The following DSCAM variants were observed in gnomAD, a reference collection of about 807,000 sequenced individuals.
DSCAM encodes DS cell adhesion molecule, also known as cell adhesion molecule DSCAM.
Under a neutral mutation model 217.7 loss-of-function variants are expected in DSCAM, and 47 were observed. That is an observed-to-expected ratio of 0.22 (90% CI 0.17 to 0.28). DSCAM has a LOEUF of 0.28. Ranked by LOEUF, DSCAM falls within the 10% of genes least tolerant of loss-of-function variation. The probability of loss-of-function intolerance (pLI) is 1.00; values close to 1 mark genes in which losing one functional copy is unlikely to be tolerated. For missense variants in DSCAM, 2,080 were observed against 2,618.3 expected (o/e 0.79, Z 4.49); for synonymous variants, 1,056 against 1,015.3 (o/e 1.04, Z -0.76).
intron 3 of DSCAM, among the ~76,000 whole-genome samples, chr21:40,403,435 C>T (rs2075255139): frequency 6.6e-6 from 1 of 151,878 alleles, no homozygotes; most frequent in Non-Finnish European, 1.5e-5. Flanking sequence ...GTAGCTGGGA[C>T]TACAGAGTAA....
At chr21:40,458,420 G>A (rs2075780537) in intron 3 of DSCAM, among the ~76,000 whole-genome samples, 1 of 152,090 alleles carries the variant, frequency 6.6e-6, no homozygotes, top group African/African-American at 2.4e-5. Flanking sequence ...TATGTTAAAA[G>A]CAATGCTCAG....
intron 3 of DSCAM, among the ~76,000 whole-genome samples, chr21:40,586,270 A>G (rs1390518441): frequency 1.3e-5 from 2 of 152,234 alleles, no homozygotes; most frequent in African/African-American, 4.8e-5. Flanking sequence ...TGCTGGCACC[A>G]TGCTTCTTGT....
intron 11 of DSCAM, among the ~76,000 whole-genome samples, chr21:40,253,345 T>C (rs1477835485): frequency 2.0e-5 from 3 of 152,346 alleles, no homozygotes; most frequent in African/African-American, 4.8e-5. Flanking sequence ...GATTACATGA[T>C]ACAATGCAGA....
At chr21:40,069,458 G>T (rs1420187444) in intron 27 of DSCAM, among the ~76,000 whole-genome samples, 1 of 152,226 alleles carries the variant, frequency 6.6e-6, no homozygotes. Context: ...ATGGCCCCAG[G>T]CACTGCAGCT....
At chr21:40,555,392 GAT>G (rs1272127605) in intron 3 of DSCAM, among the ~76,000 whole-genome samples, 1 of 152,174 alleles carries the variant, frequency 6.6e-6, no homozygotes, top group African/African-American at 2.4e-5. Flanking sequence ...AGAACCCAAT[GAT>G]ATGTCATTTC....
chr21:40,787,951 G>A (rs1054126356), intron 1 of DSCAM, among the ~76,000 whole-genome samples: 9 of 152,116 alleles, frequency 5.9e-5, no homozygotes, highest in African/African-American at 2.2e-4. Flanking sequence ...CAGACACTAT[G>A]ATAGATAAAG....
intron 21 of DSCAM, among the ~76,000 whole-genome samples, chr21:40,091,646 G>A (rs1416541404): frequency 6.6e-6 from 1 of 152,056 alleles, no homozygotes; most frequent in East Asian, 1.9e-4. Flanking sequence ...TGCTAATAAA[G>A]GCATGCCTGA....
chr21:40,175,825 G>A (rs924766647), intron 15 of DSCAM, among the ~76,000 whole-genome samples: 127 of 116,906 alleles, frequency 1.1e-3, no homozygotes, highest in African/African-American at 3.0e-3. Context: ...ACACACACAC[G>A]CACACACACA....
At chr21:40,357,861 T>TAA (rs71186927) in intron 4 of DSCAM, among the ~76,000 whole-genome samples, 12,765 of 150,908 alleles carry the variant, frequency 0.085, 1,204 homozygotes, top group African/African-American at 0.24. Flanking sequence ...TAAAGTATAA[T>TAA]AAAAAAAAAC....
chr21:40,576,193 G>A (rs779419101), intron 3 of DSCAM, among the ~76,000 whole-genome samples: 4 of 152,154 alleles, frequency 2.6e-5, no homozygotes, highest in African/African-American at 4.8e-5. Context: ...CCTGGAAACA[G>A]CCCAAAAGTC....
chr21:40,473,199 G>A (rs1386800476), intron 3 of DSCAM, among the ~76,000 whole-genome samples: 2 of 152,192 alleles, frequency 1.3e-5, no homozygotes, highest in Non-Finnish European at 2.9e-5. Flanking sequence ...AAAACTAAAG[G>A]AGAGCAGAAT....
chr21:40,811,512 C>G (rs1179893914), intron 1 of DSCAM, among the ~76,000 whole-genome samples: 1 of 152,194 alleles, frequency 6.6e-6, no homozygotes, highest in Non-Finnish European at 1.5e-5. Flanking sequence ...TTTTAACGTT[C>G]ACCCATCAAT....
At chr21:40,527,117 T>C (rs76347038) in intron 3 of DSCAM, among the ~76,000 whole-genome samples, 3,372 of 152,234 alleles carry the variant, frequency 0.022, 123 homozygotes, top group African/African-American at 0.076. Flanking sequence ...CTGACCTTCC[T>C]ATTCCTGATA....
chr21:40,722,400 TAAA>T (rs2090911166), intron 1 of DSCAM, among the ~76,000 whole-genome samples: 1 of 151,926 alleles, frequency 6.6e-6, no homozygotes, highest in Non-Finnish European at 1.5e-5. Flanking sequence ...AAGGAGGAAA[TAAA>T]AATTTATTGT....
At chr21:40,030,189 C>CT (rs1311542950) in intron 32 of DSCAM, among the ~76,000 whole-genome samples, 3 of 152,302 alleles carry the variant, frequency 2.0e-5, no homozygotes, top group African/African-American at 7.2e-5. Flanking sequence ...GGCTTGCTCC[C>CT]TCCCTCTCAG....
In DSCAM at chr21:40,165,294, C is replaced by T. The variant is rs79558504; in HGVS notation, c.3018+1924G>A. Among the ~76,000 whole-genome samples, 660 of 152,256 alleles carry T rather than the reference C, an allele frequency of 4.3e-3. 5 individuals carry two copies. The highest frequency in any genetic ancestry group is 0.015 in the African/African-American group (626 of 41,540). ...AGATTTCGTGTAATAGTGTCCAATTCGATTGAATCAGTGGTGTCCTTTAAA... is the reference window on the plus strand; with the variant it reads ...AGATTTCGTGTAATAGTGTCCAATTTGATTGAATCAGTGGTGTCCTTTAAA... On this transcript the variant is annotated intron_variant, in intron 16 of 32. Coordinates refer to ENST00000400454, the MANE Select transcript of DSCAM (RefSeq NM_001389.5).
intron 11 of DSCAM, among the ~76,000 whole-genome samples, chr21:40,270,961 G>A (rs1277132188): frequency 1.3e-5 from 2 of 152,270 alleles, no homozygotes; most frequent in East Asian, 3.8e-4. Context: ...GTTTTCAACA[G>A]AAAAGGAGAT....
chr21:40,356,034 T>G (rs1040960555), intron 4 of DSCAM, among the ~76,000 whole-genome samples: 12 of 152,210 alleles, frequency 7.9e-5, no homozygotes, highest in Non-Finnish European at 1.8e-4. Flanking sequence ...TATGCATGTG[T>G]GTATATGTAT....
At chr21:40,656,170 T>C (rs866715637) in intron 3 of DSCAM, among the ~76,000 whole-genome samples, 1 of 152,230 alleles carries the variant, frequency 6.6e-6, no homozygotes, top group Non-Finnish European at 1.5e-5. Context: ...GGTTCCACCA[T>C]ATGAATTTTG....
Sources: gnomAD v4.1 joint callset for allele counts (sites outside exome capture counted in the v4.1 genomes callset) on GRCh38, gnomAD v4.1.1 for gene constraint, MANE v1.5 for transcripts, NCBI Gene and HGNC (gene_info 2026-07-23, HGNC 2026-07-21) for gene names.